STAG1: variants seen among roughly 807,000 people sequenced by gnomAD.
STAG1 encodes the protein cohesin subunit SA-1.
STAG1 carries 26 observed loss-of-function variants against 170.9 expected under a neutral mutation model. That is an observed-to-expected ratio of 0.15 (90% CI 0.11 to 0.21). The LOEUF (loss-of-function observed/expected upper bound fraction) is 0.21, where lower values mean the gene tolerates loss of function less well. STAG1 is among the 10% of genes least tolerant of loss of function. The pLI, the probability that STAG1 is intolerant of heterozygous loss-of-function variation, is 1.00. For missense variants in STAG1, 964 were observed against 1,509.5 expected (o/e 0.64, Z 5.99); for synonymous variants, 514 against 497.7 (o/e 1.03, Z -0.44).
At chr3:136,607,673 G>C (rs1559906099) in intron 3 of STAG1, among the ~76,000 whole-genome samples, 1 of 152,196 alleles carries the variant, frequency 6.6e-6, no homozygotes, top group Non-Finnish European at 1.5e-5. Flanking sequence ...AAAGTGCTAG[G>C]ATTACAGGCG....
In STAG1 at chr3:136,464,973, A is replaced by C; in HGVS notation, c.1221T>G (p.Ala407=). Residue 407 remains alanine (A), a synonymous_variant, in exon 13 of 34, where the codon GCT becomes GCG. Coordinates refer to ENST00000383202, the MANE Select transcript of STAG1 (RefSeq NM_005862.3). ...VTLILHGSEE[A]LSNEDCENVY... is the part of the protein sequence containing the mutation. Reference sequence around the variant, plus strand: ...CATTTTCACAGTCTTCATTGGAAAGAGCTTCTTCACTTCCACTGAAAAATA... The same window carrying C: ...CATTTTCACAGTCTTCATTGGAAAGCGCTTCTTCACTTCCACTGAAAAATA... The C allele has an allele frequency of 6.2e-7, 1 of 1,608,222 alleles. No homozygotes were observed.
At chr3:136,400,594 G>A (rs2087296817) in intron 21 of STAG1, among the ~76,000 whole-genome samples, 1 of 151,168 alleles carries the variant, frequency 6.6e-6, no homozygotes, top group Admixed American at 6.6e-5. Flanking sequence ...GGAGTGCAAT[G>A]GCACTGTCTC....
Position 136,523,351 on chromosome 3 carries a change from G to A in STAG1, c.472-1934C>T, listed in dbSNP as rs995369283. Among the ~76,000 whole-genome samples, 3 of 152,248 alleles carry A rather than the reference G, an allele frequency of 2.0e-5. No individual in the cohort carries two copies. In the South Asian group the frequency reaches 6.2e-4, roughly 32 times the overall value. On this transcript the variant is annotated intron_variant, in intron 6 of 33. Transcript: ENST00000383202. Reference sequence around the variant, plus strand: ...TGAGCATTTTTTCACGTGTCTGTTGGCTGCATAAATGTCTTCTTTTGAGAA... The same window carrying A: ...TGAGCATTTTTTCACGTGTCTGTTGACTGCATAAATGTCTTCTTTTGAGAA...
intron 21 of STAG1, among the ~76,000 whole-genome samples, chr3:136,415,794 C>T (rs1046811929): frequency 6.6e-6 from 1 of 152,106 alleles, no homozygotes; most frequent in African/African-American, 2.4e-5. Context: ...TGTACTCCAG[C>T]CTGGGTGACA....
chr3:136,664,268 ATGTG>A (rs1341360867), intron 1 of STAG1, among the ~76,000 whole-genome samples: 1 of 152,224 alleles, frequency 6.6e-6, no homozygotes, highest in Non-Finnish European at 1.5e-5. Context: ...GTTAATATAC[ATGTG>A]TGTACTAAAT....
chr3:136,610,834 C>G (rs180883083), intron 3 of STAG1, among the ~76,000 whole-genome samples: 153 of 152,254 alleles, frequency 1.0e-3, no homozygotes, highest in Admixed American at 1.8e-3. Flanking sequence ...TAATGGTTAT[C>G]ATGGAGAATA....
chr3:136,470,307 C>T (rs1476654153), intron 12 of STAG1, among the ~76,000 whole-genome samples: 1 of 152,096 alleles, frequency 6.6e-6, no homozygotes, highest in Non-Finnish European at 1.5e-5. Context: ...CAAACAACCC[C>T]ATCAAAAAGT....
intron 12 of STAG1, among the ~76,000 whole-genome samples, chr3:136,466,713 A>C (rs1271520906): frequency 2.6e-5 from 4 of 152,184 alleles, no homozygotes; most frequent in Non-Finnish European, 2.9e-5. Flanking sequence ...AGATTCACCA[A>C]AGTTGAAATG....
In STAG1 at chr3:136,729,164, TTTTTTG is replaced by T. The variant is rs200599661; in HGVS notation, c.-84+23025_-84+23030del. Among the ~76,000 whole-genome samples the T allele has an allele frequency of 5.0e-3, 756 of 152,062 alleles. 4 individuals carry two copies. The highest frequency in any genetic ancestry group is 0.014 in the African/African-American group (595 of 41,480). On this transcript the variant is annotated intron_variant, in intron 1 of 33. Transcript: ENST00000383202. ...CCTAGCTAATTTGCGTGTGTGTGGT[TTTTTTG>T]TTTTTGTTTTTGTTTTTTTGAGACA...
At chr3:136,420,789 T>G (rs1329912832) in intron 20 of STAG1, among the ~76,000 whole-genome samples, 1 of 152,184 alleles carries the variant, frequency 6.6e-6, no homozygotes, top group Non-Finnish European at 1.5e-5. Context: ...TTACTTGATT[T>G]ATTTATTTTT....
chr3:136,621,860 T>C (rs1208004652), intron 3 of STAG1, among the ~76,000 whole-genome samples: 2 of 151,998 alleles, frequency 1.3e-5, no homozygotes, highest in Non-Finnish European at 2.9e-5. Flanking sequence ...GGATCATTCC[T>C]GTGTCATGAC....
intron 13 of STAG1, among the ~76,000 whole-genome samples, chr3:136,464,454 A>C (rs2089392826): frequency 6.6e-6 from 1 of 152,010 alleles, no homozygotes; most frequent in Non-Finnish European, 1.5e-5. Context: ...AAAAATCATC[A>C]TAATGGAAAG....
chr3:136,565,124 A>G (rs1261632993), intron 5 of STAG1, among the ~76,000 whole-genome samples: 2 of 149,258 alleles, frequency 1.3e-5, no homozygotes, highest in African/African-American at 2.5e-5. Flanking sequence ...GAAAGAAAGG[A>G]AAGAGAAAGG....
At chr3:136,505,228 G>T (rs1398874772) in intron 7 of STAG1, among the ~76,000 whole-genome samples, 3 of 152,112 alleles carry the variant, frequency 2.0e-5, no homozygotes, top group Admixed American at 2.0e-4. Flanking sequence ...CCATCATAAT[G>T]TGACATCAGC....
rs1330314778 is a variant in STAG1 at position 136,398,812 on chromosome 3, C to T, written c.2214G>A (p.Leu738=). ...AMPEQIVVQA[L]QCSHYSILWQ... is the part of the protein sequence containing the mutation. ...AAAGAATCGAATAATGGGAACACTG[C>T]AGTGCTTGCACGACTATCTGTATCA... is the stretch of plus-strand genomic sequence containing the variant. The change falls in exon 22 of 34, where the codon CTG becomes CTA. Residue 738 remains leucine (L), a synonymous_variant. Transcript: ENST00000383202. The T allele has an allele frequency of 6.3e-7, 1 of 1,585,726 alleles. No individual in the cohort carries two copies. The highest frequency in any genetic ancestry group is 1.2e-5 in the South Asian group (1 of 86,222).
At chr3:136,381,089 T>C (rs1027987729) in intron 22 of STAG1, among the ~76,000 whole-genome samples, 7 of 148,808 alleles carry the variant, frequency 4.7e-5, no homozygotes, top group Non-Finnish European at 8.9e-5. Flanking sequence ...AATAGTTAAA[T>C]TTTAGAGATG....
chr3:136,388,409 C>A (rs1419176545), intron 22 of STAG1, among the ~76,000 whole-genome samples: 1 of 152,158 alleles, frequency 6.6e-6, no homozygotes, highest in African/African-American at 2.4e-5. Flanking sequence ...CGCTCTGTTG[C>A]CCAGGCTGGA....
rs561647981 is a variant in STAG1, at chr3:136,468,275, A to G, written c.1206-3287T>C. On this transcript the variant is annotated intron_variant, in intron 12 of 33. Transcript: ENST00000383202. Reference sequence around the variant, plus strand: ...AGACCACTAGCAAGACTAATAAAGAAGAAAAGAGAGAAGAATCAAATAGAC... The same window carrying G: ...AGACCACTAGCAAGACTAATAAAGAGGAAAAGAGAGAAGAATCAAATAGAC... Among the ~76,000 whole-genome samples, 7 of 152,302 alleles carry G rather than the reference A, an allele frequency of 4.6e-5. No individual in the cohort carries two copies. The South Asian group carries it at 1.5e-3, about 32-fold the overall frequency.
intron 5 of STAG1, among the ~76,000 whole-genome samples, chr3:136,567,753 T>A (rs923958808): frequency 9.9e-5 from 15 of 152,198 alleles, no homozygotes. Flanking sequence ...AAGATAAAGA[T>A]CAGATCTGCC....
Sources: gnomAD v4.1 joint callset for allele counts (sites outside exome capture counted in the v4.1 genomes callset) on GRCh38, gnomAD v4.1.1 for gene constraint, MANE v1.5 for transcripts, NCBI Gene and HGNC (gene_info 2026-07-23, HGNC 2026-07-21) for gene names.